Variants in PARP8 observed in about 807,000 individuals in gnomAD.
PARP8 encodes the protein poly(ADP-ribose) polymerase family member 8, also known as protein mono-ADP-ribosyltransferase PARP8.
Under a neutral mutation model 124.1 loss-of-function variants are expected in PARP8, and 51 were observed. The observed-to-expected ratio is 0.41, with a 90% CI of 0.33 to 0.52. PARP8 has a LOEUF of 0.52. Ranked by LOEUF, PARP8 falls within the 20% of genes least tolerant of loss-of-function variation. The probability of loss-of-function intolerance (pLI) is 0.21; values close to 1 mark genes in which losing one functional copy is unlikely to be tolerated. For synonymous variants in PARP8, 391 were observed against 361.5 expected (o/e 1.08, Z -0.93); for missense variants, 860 against 1,018.9 (o/e 0.84, Z 2.12).
rs1461608492 is a variant in PARP8, at chr5:50,819,839, A to G, written c.1669-1374A>G. 2.6e-5 allele frequency among the ~76,000 whole-genome samples: 4 copies of G among 152,274 alleles called. No homozygotes were observed. The South Asian group carries it at 6.2e-4, about 24-fold the overall frequency. ...CTGAAAACAATCTGTATCAGGGTTA[A>G]TGTGCATCTCTAGAGTAGAAGGAAT... On this transcript the variant is annotated intron_variant, in intron 15 of 25. Transcript: ENST00000281631.
At chr5:50,732,705 G>T (rs556376015) in intron 2 of PARP8, among the ~76,000 whole-genome samples, 10 of 151,500 alleles carry the variant, frequency 6.6e-5, no homozygotes, top group Non-Finnish European at 1.3e-4. Context: ...TGCAAGCTCC[G>T]CCACCCGGGT....
chr5:50,785,856 C>A (rs1741189753), intron 9 of PARP8, among the ~76,000 whole-genome samples: 1 of 152,122 alleles, frequency 6.6e-6, no homozygotes, highest in Non-Finnish European at 1.5e-5. Flanking sequence ...CTCTAATTAT[C>A]TGCTGCCCCA....
At chr5:50,748,344 C>T (rs527309869) in intron 2 of PARP8, among the ~76,000 whole-genome samples, 3 of 152,244 alleles carry the variant, frequency 2.0e-5, no homozygotes, top group African/African-American at 7.2e-5. Flanking sequence ...TTAAGACCAT[C>T]CTACCCCTCC....
intron 3 of PARP8, among the ~76,000 whole-genome samples, chr5:50,758,959 G>C (rs1580235952): frequency 6.6e-6 from 1 of 152,180 alleles, no homozygotes; most frequent in East Asian, 1.9e-4. Flanking sequence ...TTTAATTCAT[G>C]GAAGAATGAT....
At chr5:50,775,386 C>T (rs1739882069) in intron 7 of PARP8, among the ~76,000 whole-genome samples, 1 of 152,236 alleles carries the variant, frequency 6.6e-6, no homozygotes, top group Admixed American at 6.5e-5. Context: ...GAAACCCCGT[C>T]TCCACCAAAA....
In PARP8 at chr5:50,843,625, C is replaced by T. The variant is rs1335396591; in HGVS notation, c.*1557C>T. The T allele has an allele frequency of 6.6e-6, 1 of 151,640 alleles. No homozygotes were observed. The highest frequency in any genetic ancestry group is 1.9e-4 in the East Asian group (1 of 5,164). The allele number at this position is 151,640 out of a possible 1,614,324, so 9.4% of individuals were successfully genotyped here. ...GATAGTATCTACTTAAAGCATTGATCTGTTTTGACTTGTGGCTCTGAACCC... is the reference window on the plus strand; with the variant it reads ...GATAGTATCTACTTAAAGCATTGATTTGTTTTGACTTGTGGCTCTGAACCC... On this transcript the variant is annotated 3_prime_UTR_variant, in exon 26 of 26. Coordinates refer to ENST00000281631, the MANE Select transcript of PARP8 (RefSeq NM_024615.4).
At chr5:50,801,161 C>T (rs1743176137) in intron 14 of PARP8, among the ~76,000 whole-genome samples, 1 of 151,738 alleles carries the variant, frequency 6.6e-6, no homozygotes, top group African/African-American at 2.4e-5. Context: ...GTTGCCCTGG[C>T]ATGATCTCGG....
intron 2 of PARP8, among the ~76,000 whole-genome samples, chr5:50,689,835 C>T (rs1414143493): frequency 1.3e-5 from 2 of 152,134 alleles, no homozygotes; most frequent in Non-Finnish European, 2.9e-5. Flanking sequence ...CCACCATGCA[C>T]CTGGATTGCA....
intron 2 of PARP8, among the ~76,000 whole-genome samples, chr5:50,747,489 A>G (rs1274721939): frequency 2.0e-5 from 3 of 151,526 alleles, no homozygotes; most frequent in Admixed American, 2.0e-4. Context: ...TACTCAAATT[A>G]TGATTGTTGA....
intron 2 of PARP8, among the ~76,000 whole-genome samples, chr5:50,693,381 T>C (rs1261535445): frequency 6.6e-6 from 1 of 152,166 alleles, no homozygotes; most frequent in Non-Finnish European, 1.5e-5. Context: ...TCTCCAGGTG[T>C]TGCTGATTGT....
intron 18 of PARP8, among the ~76,000 whole-genome samples, chr5:50,825,897 A>G (rs1340901907): frequency 6.6e-6 from 1 of 152,168 alleles, no homozygotes; most frequent in Non-Finnish European, 1.5e-5. Flanking sequence ...TTTATAGTAC[A>G]CATTTAATTT....
Position 50,813,896 on chromosome 5 carries a change from G to A in PARP8, c.1576-1536G>A, listed in dbSNP as rs569611984. Among the ~76,000 whole-genome samples, 18 of 152,114 alleles carry A rather than the reference G, an allele frequency of 1.2e-4. No homozygotes were observed. In the South Asian group the frequency reaches 2.1e-3, roughly 18 times the overall value. On this transcript the variant is annotated intron_variant, in intron 14 of 25. Coordinates refer to ENST00000281631, the MANE Select transcript of PARP8 (RefSeq NM_024615.4). ...GTTCACAAAGTAAGCATAGTTCAAG[G>A]TTCAGATAAAAACTAGTCATAACTC... is the stretch of plus-strand genomic sequence containing the variant.
intron 2 of PARP8, among the ~76,000 whole-genome samples, chr5:50,728,976 A>G (rs1318354143): frequency 6.6e-6 from 1 of 152,154 alleles, no homozygotes; most frequent in Non-Finnish European, 1.5e-5. Flanking sequence ...TTTTATTGGA[A>G]CTGACTGAGA....
At chr5:50,763,546 A>G (rs183285336) in intron 7 of PARP8, among the ~76,000 whole-genome samples, 12 of 152,146 alleles carry the variant, frequency 7.9e-5, no homozygotes, top group African/African-American at 2.6e-4. Context: ...CCATGCTGTT[A>G]TCATAAATCA....
chr5:50,749,012 G>C (rs1349161007), intron 2 of PARP8, among the ~76,000 whole-genome samples: 2 of 152,032 alleles, frequency 1.3e-5, no homozygotes, highest in Admixed American at 6.6e-5. Context: ...GTTTTTGTTT[G>C]TTTCTGTCTT....
intron 2 of PARP8, among the ~76,000 whole-genome samples, chr5:50,705,933 C>G (rs1243564504): frequency 6.6e-6 from 1 of 152,080 alleles, no homozygotes; most frequent in African/African-American, 2.4e-5. Flanking sequence ...AGGTTTTCAC[C>G]CATTTATCAT....
At chr5:50,768,011 A>ATG (rs371344583) in intron 7 of PARP8, among the ~76,000 whole-genome samples, 17,835 of 149,970 alleles carry the variant, frequency 0.12, 1,091 homozygotes, top group South Asian at 0.18. Flanking sequence ...ATATACATAT[A>ATG]TGTGTGTGTG....
intron 7 of PARP8, among the ~76,000 whole-genome samples, chr5:50,765,811 A>T (rs1237957675): frequency 1.3e-5 from 2 of 152,212 alleles, no homozygotes; most frequent in Non-Finnish European, 2.9e-5. Context: ...AAGGGAAAAG[A>T]GGTGGGTAGT....
chr5:50,833,254 G>A (rs71615989), intron 23 of PARP8, among the ~76,000 whole-genome samples: 1,677 of 152,226 alleles, frequency 0.011, 25 homozygotes, highest in Non-Finnish European at 0.014. Flanking sequence ...GTGGAAGAGG[G>A]ATCTGGGATG....
Sources: allele counts gnomAD v4.1 joint callset (sites outside exome capture counted in the v4.1 genomes callset), GRCh38; gene constraint gnomAD v4.1.1; transcripts MANE v1.5; gene names NCBI Gene and HGNC (gene_info 2026-07-23, HGNC 2026-07-21).